Variants in ZNF846 observed in about 807,000 individuals in gnomAD.
The protein encoded by ZNF846 is zinc finger protein 420 pseudogene.
ZNF846 carries 15 observed loss-of-function variants against 16.0 expected under a neutral mutation model. That is an observed-to-expected ratio of 0.94 (90% confidence interval 0.63 to 1.45). The LOEUF is 1.45. Among genes scored for constraint, ZNF846 ranks in the 40% most tolerant of loss-of-function variants. The pLI is 0.00. For missense variants in ZNF846, 714 were observed against 622.3 expected, an observed-to-expected ratio of 1.15 and a Z score of -1.57; for synonymous variants, 229 against 212.0, an observed-to-expected ratio of 1.08 and a Z score of -0.70.
At chr19:9,770,761 C>T (rs964367691), upstream of ZNF846, among the ~76,000 whole-genome samples, 6 of 151,764 alleles carry the variant, frequency 4.0e-5, no homozygotes, top group Admixed American at 1.3e-4. Flanking sequence ...CCCAGCTTCT[C>T]GGGAGGCTGA....
intron 1 of ZNF846, among the ~76,000 whole-genome samples, chr19:9,782,836 CCTTT>C (rs1432663489): frequency 1.3e-5 from 2 of 152,182 alleles, no homozygotes; most frequent in African/African-American, 4.8e-5. Flanking sequence ...TCCTCAACTT[CCTTT>C]AACTCTCTCA....
chr19:9,769,972 C>A (rs1244709832), upstream of ZNF846, among the ~76,000 whole-genome samples: 6 of 145,936 alleles, frequency 4.1e-5, no homozygotes, highest in East Asian at 9.9e-4. Flanking sequence ...CAGAGTGAGA[C>A]TCCGTCTCAA....
At chr19:9,781,232 T>G (rs1298272752) in intron 1 of ZNF846, among the ~76,000 whole-genome samples, 1 of 152,172 alleles carries the variant, frequency 6.6e-6, no homozygotes, top group Admixed American at 6.5e-5. Flanking sequence ...TCCAAGCGAA[T>G]TCTCCTGCCC....
chr19:9,780,267 T>C (rs1046595189), intron 1 of ZNF846, among the ~76,000 whole-genome samples: 1 of 151,752 alleles, frequency 6.6e-6, no homozygotes, highest in African/African-American at 2.4e-5. Flanking sequence ...TTCACAGGCA[T>C]GATCATGTAC....
chr19:9,749,675 C>T (rs1013594704), downstream of ZNF846, among the ~76,000 whole-genome samples: 9 of 151,784 alleles, frequency 5.9e-5, no homozygotes, highest in African/African-American at 2.2e-4. Flanking sequence ...CTCACTGCCT[C>T]CAATCCTTCT....
At chr19:9,767,576 A>G (rs780185310) in intron 1 of ZNF846, among the ~76,000 whole-genome samples, 1 of 152,238 alleles carries the variant, frequency 6.6e-6, no homozygotes, top group Non-Finnish European at 1.5e-5. Context: ...AGAATATTCA[A>G]TCTACAGATA....
chr19:9,770,675 C>T (rs923258878), upstream of ZNF846, among the ~76,000 whole-genome samples: 1 of 151,826 alleles, frequency 6.6e-6, no homozygotes, highest in Non-Finnish European at 1.5e-5. Flanking sequence ...TAAGACCAGC[C>T]TGGCCAACAT....
chr19:9,774,761 G>T, intron 1 of ZNF846: 1 of 1,570,136 alleles, frequency 6.4e-7, no homozygotes, highest in Admixed American at 1.7e-5. Flanking sequence ...CTGTCTGTCA[G>T]TAATTAGTGC....
At chr19:9,763,481 G>T (rs1345715584) in intron 2 of ZNF846, 73 bp from the exon 3 acceptor site, 37 of 1,396,360 alleles carry the variant, frequency 2.6e-5, no homozygotes, top group Non-Finnish European at 3.6e-5. Context: ...ATGCATGAAG[G>T]ACTAAGGAAG....
chr19:9,749,555 T>TC (rs1289649358), downstream of ZNF846, among the ~76,000 whole-genome samples: 1 of 150,874 alleles, frequency 6.6e-6, no homozygotes, highest in East Asian at 1.9e-4. Flanking sequence ...TCTTTTTTTT[T>TC]TTTTTTTTTT....
chr19:9,750,788 G>A (rs1276209107), downstream of ZNF846, among the ~76,000 whole-genome samples: 1 of 152,122 alleles, frequency 6.6e-6, no homozygotes, highest in Non-Finnish European at 1.5e-5. Flanking sequence ...TGACTTCTCT[G>A]TTTAGCATTA....
intron 1 of ZNF846, among the ~76,000 whole-genome samples, chr19:9,780,071 T>TG (rs2045487629): frequency 2.0e-5 from 3 of 150,540 alleles, no homozygotes; most frequent in South Asian, 4.2e-4. Flanking sequence ...TTTTTTTTTT[T>TG]GTAGAGATGA....
At chr19:9,748,800 G>A (rs921847118), downstream of ZNF846, among the ~76,000 whole-genome samples, 1 of 152,078 alleles carries the variant, frequency 6.6e-6, no homozygotes, top group Admixed American at 6.6e-5. Context: ...TTGACTATAT[G>A]GACATACCTT....
chr19:9,763,862 T>C (rs1478505797), intron 2 of ZNF846, among the ~76,000 whole-genome samples: 1 of 152,234 alleles, frequency 6.6e-6, no homozygotes, highest in Admixed American at 6.5e-5. Flanking sequence ...GATAAAATAA[T>C]CATTTCTGTA....
At chr19:9,757,780 G>C (rs760980994) in exon 6 of ZNF846, 1 of 1,613,558 alleles carries the variant, frequency 6.2e-7, no homozygotes, top group Non-Finnish European at 8.5e-7. Flanking sequence ...CCCGAGGATT[G>C]AGTGAAAGCT....
downstream of ZNF846, among the ~76,000 whole-genome samples, chr19:9,749,051 C>A (rs1253145518): frequency 1.3e-5 from 2 of 152,294 alleles, no homozygotes; most frequent in East Asian, 3.9e-4. Context: ...CGTCCACCTG[C>A]AGGACCCTCC....
rs531601634 is a variant in ZNF846 at position 9,760,985 on chromosome 19, G to C, written c.230-1043C>G. ...GACGGAGGCAGGTGGGTCACTTGAG[G>C]TCAGGAGTTTGAGACCAGCCTGGCC... is the stretch of plus-strand genomic sequence containing the variant. On this transcript the variant is annotated intron_variant, in intron 4 of 5. Transcript: ENST00000397902. 5.3e-5 allele frequency among the ~76,000 whole-genome samples: 8 copies of C among 151,238 alleles called. No homozygotes were observed. In the South Asian group the frequency reaches 1.7e-3, roughly 32 times the overall value.
Position 9,764,978 on chromosome 19 carries a change from A to G in ZNF846, c.-28T>C. On this transcript the variant is annotated 5_prime_UTR_variant, in exon 2 of 6. An upstream open reading frame in the 5' UTR loses its in-frame stop. Coordinates refer to ENST00000397902, the Ensembl canonical transcript of ZNF846. ...GTAATCCATCAGTAACCCAGCCACT[A>G]GCCTTGGCTTCTCGATGTTCCTGTC... is the stretch of plus-strand genomic sequence containing the variant. 1 of 1,613,974 alleles carries G rather than the reference A, an allele frequency of 6.2e-7. No homozygotes were observed. The highest frequency in any genetic ancestry group is 8.5e-7 in the Non-Finnish European group (1 of 1,179,822).
intron 2 of ZNF846, among the ~76,000 whole-genome samples, chr19:9,764,538 A>G (rs1054251585): frequency 3.9e-5 from 6 of 152,050 alleles, no homozygotes; most frequent in Admixed American, 3.3e-4. Context: ...ATGACCCTAA[A>G]TCCCTCACTA....
Sources: allele counts gnomAD v4.1 joint callset (sites outside exome capture counted in the v4.1 genomes callset), GRCh38; gene constraint gnomAD v4.1.1; transcripts MANE v1.5; gene names NCBI Gene and HGNC (gene_info 2026-07-23, HGNC 2026-07-21).